Variants in LIN7A observed in about 807,000 individuals in gnomAD.
LIN7A encodes lin-7 cell polarity scaffold A.
Under a neutral mutation model 29.8 loss-of-function variants are expected in LIN7A, and 25 were observed. That is an observed-to-expected ratio of 0.84 (90% CI 0.61 to 1.17). The LOEUF is 1.17. Ranked by LOEUF, LIN7A falls within the 50% of genes most tolerant of loss-of-function variation. LIN7A has a pLI of 0.00. For missense variants in LIN7A, 239 were observed against 287.0 expected (o/e 0.83, Z 1.21); for synonymous variants, 118 against 107.5 (o/e 1.10, Z -0.60).
chr12:80,823,876 G>A (rs1871933975), intron 4 of LIN7A, among the ~76,000 whole-genome samples: 1 of 152,110 alleles, frequency 6.6e-6, no homozygotes, highest in African/African-American at 2.4e-5. Context: ...AGCAAAAGTG[G>A]AGCTAAGAAG....
chr12:80,905,218 G>A (rs190828412), intron 1 of LIN7A, among the ~76,000 whole-genome samples: 2 of 151,040 alleles, frequency 1.3e-5, no homozygotes, highest in Admixed American at 1.3e-4. Context: ...GAGGCAGAGT[G>A]TGGCTCTGTC....
chr12:80,931,531 G>T (rs571075240), intron 1 of LIN7A, among the ~76,000 whole-genome samples: 1 of 151,774 alleles, frequency 6.6e-6, no homozygotes, highest in Admixed American at 6.6e-5. Context: ...TTGCCTCCTC[G>T]GGAGGCTGAG....
chr12:80,827,117 G>T, intron 4 of LIN7A, among the ~76,000 whole-genome samples: 1 of 152,196 alleles, frequency 6.6e-6, no homozygotes, highest in East Asian at 1.9e-4. Context: ...GGCTGGCACA[G>T]TGGCTCAGGT....
At chr12:80,880,804 T>C (rs1258382090) in intron 2 of LIN7A, among the ~76,000 whole-genome samples, 1 of 146,542 alleles carries the variant, frequency 6.8e-6, no homozygotes, top group Non-Finnish European at 1.5e-5. Context: ...CACACACACA[T>C]CGACATTCAG....
Position 80,903,763 on chromosome 12 carries a change from A to G in LIN7A, c.83-14394T>C, listed in dbSNP as rs1876341608. Reference sequence around the variant, plus strand: ...ATTTTTGGTTCTTTGAGGAATCTCTATACTGTTTTCCATAGAAGCTGTAGT... The same window carrying G: ...ATTTTTGGTTCTTTGAGGAATCTCTGTACTGTTTTCCATAGAAGCTGTAGT... On this transcript the variant is annotated intron_variant, in intron 1 of 5. Coordinates refer to ENST00000552864, the MANE Select transcript of LIN7A (RefSeq NM_004664.4). Among the ~76,000 whole-genome samples the G allele has an allele frequency of 2.6e-5, 4 of 152,150 alleles. No homozygotes were observed. The South Asian group carries it at 6.2e-4, about 24-fold the overall frequency.
At chr12:80,826,769 T>A (rs983814431) in intron 4 of LIN7A, among the ~76,000 whole-genome samples, 3 of 152,176 alleles carry the variant, frequency 2.0e-5, no homozygotes, top group Admixed American at 2.0e-4. Context: ...GTGATCCTAC[T>A]GTCTCAGTCT....
intron 1 of LIN7A, among the ~76,000 whole-genome samples, chr12:80,894,968 G>T (rs1228009892): frequency 2.0e-5 from 3 of 152,182 alleles, no homozygotes; most frequent in Admixed American, 1.3e-4. Context: ...TCCAAAACCA[G>T]CTGTGTTTGA....
Position 80,837,563 on chromosome 12 carries a change from A to T in LIN7A, c.483+8167T>A, listed in dbSNP as rs1872635094. 2.0e-5 allele frequency among the ~76,000 whole-genome samples: 3 copies of T among 152,202 alleles called. No homozygotes were observed. In the South Asian group the frequency reaches 6.2e-4, roughly 32 times the overall value. On this transcript the variant is annotated intron_variant, in intron 4 of 5. Transcript: ENST00000552864. ...CCAATAGCACCTCTAGAGGGAGCAC[A>T]GCCCTGTTGATGCCTTGGTTTGGAG...
At chr12:80,848,002 T>C in intron 3 of LIN7A, 1 of 583,988 alleles carries the variant, frequency 1.7e-6, no homozygotes, top group South Asian at 1.7e-5. Context: ...TAGATTTGCT[T>C]GTGCCAAATG....
At chr12:80,873,645 A>T (rs1160210629) in intron 2 of LIN7A, among the ~76,000 whole-genome samples, 4 of 152,058 alleles carry the variant, frequency 2.6e-5, no homozygotes, top group Admixed American at 2.0e-4. Context: ...CAACAAGGTT[A>T]TGCTTTTGTT....
chr12:80,926,806 A>G (rs1877604915), intron 1 of LIN7A, among the ~76,000 whole-genome samples: 2 of 151,784 alleles, frequency 1.3e-5, no homozygotes, highest in East Asian at 2.0e-4. Context: ...GTGGGAGCCT[A>G]TAGTCCCACC....
chr12:80,847,384 CA>C (rs1030332762), intron 3 of LIN7A, among the ~76,000 whole-genome samples: 2 of 151,498 alleles, frequency 1.3e-5, no homozygotes, highest in East Asian at 1.9e-4. Context: ...CAAAACAAAA[CA>C]AAAAAACCTT....
At chr12:80,877,882 A>G (rs1592917814) in intron 2 of LIN7A, among the ~76,000 whole-genome samples, 1 of 151,892 alleles carries the variant, frequency 6.6e-6, no homozygotes. Flanking sequence ...AAAAAAAAAA[A>G]CAGTTGTCAT....
intron 1 of LIN7A, among the ~76,000 whole-genome samples, chr12:80,896,964 A>G (rs1875935154): frequency 6.6e-6 from 1 of 152,250 alleles, no homozygotes; most frequent in Non-Finnish European, 1.5e-5. Context: ...TAGGTATACA[A>G]AGCTTAAGAT....
chr12:80,937,136 T>C (rs1187886701), intron 1 of LIN7A: 1 of 153,264 alleles, frequency 6.5e-6, no homozygotes, highest in African/African-American at 2.4e-5. Flanking sequence ...GCCCCCCGAG[T>C]GGCCGCCGGG....
chr12:80,837,045 G>C (rs1408640314), intron 4 of LIN7A, among the ~76,000 whole-genome samples: 1 of 151,998 alleles, frequency 6.6e-6, no homozygotes, highest in Non-Finnish European at 1.5e-5. Context: ...AAGGAGAAAA[G>C]TCTGAAAGTG....
chr12:80,871,881 A>T (rs1014348353), intron 2 of LIN7A, among the ~76,000 whole-genome samples: 4 of 151,980 alleles, frequency 2.6e-5, no homozygotes, highest in Non-Finnish European at 4.4e-5. Context: ...TTTATAAAAT[A>T]TAAGAATATT....
intron 2 of LIN7A, among the ~76,000 whole-genome samples, chr12:80,850,987 T>A (rs988805241): frequency 3.3e-5 from 5 of 152,166 alleles, no homozygotes; most frequent in African/African-American, 7.2e-5. Context: ...GGTGGGAACA[T>A]ACCGATGACC....
intron 1 of LIN7A, among the ~76,000 whole-genome samples, chr12:80,904,567 C>T (rs1318195651): frequency 6.6e-6 from 1 of 152,164 alleles, no homozygotes; most frequent in Admixed American, 6.5e-5. Flanking sequence ...TTTCCCTTAA[C>T]ATCATGTCTT....
Sources: allele counts gnomAD v4.1 joint callset (sites outside exome capture counted in the v4.1 genomes callset), GRCh38; gene constraint gnomAD v4.1.1; transcripts MANE v1.5; gene names NCBI Gene and HGNC (gene_info 2026-07-23, HGNC 2026-07-21).